Variants in TCF7L2 observed in about 807,000 individuals in gnomAD.
TCF7L2 encodes transcription factor 7 like 2, also known as transcription factor 7-like 2.
TCF7L2 carries 23 observed loss-of-function variants against 77.9 expected under a neutral mutation model. The ratio of observed to expected loss-of-function variants is 0.30; its 90% CI spans 0.21 to 0.42. TCF7L2 has a LOEUF of 0.42. TCF7L2 is among the 10% of genes least tolerant of loss of function. The pLI is 1.00. For missense variants in TCF7L2, 654 were observed against 793.1 expected, an observed-to-expected ratio of 0.82 and a Z score of 2.11; for synonymous variants, 413 against 340.2, an observed-to-expected ratio of 1.21 and a Z score of -2.36.
At position 113,042,679 on chromosome 10, in the gene TCF7L2, G is replaced by A. The variant is rs139128002; in HGVS notation, c.552+2553G>A. ...AAGTAGAGTGGAAGAAAGGCCTTGC[G>A]TTGTTGACCTCTATCCACCTGGTCA... On this transcript the variant is annotated intron_variant, in intron 5 of 13. Coordinates refer to ENST00000627217, the MANE Select transcript of TCF7L2 (RefSeq NM_001146274.2). Among the ~76,000 whole-genome samples, 856 of 152,258 alleles carry A rather than the reference G, an allele frequency of 5.6e-3. 3 individuals carry two copies. The highest frequency in any genetic ancestry group is 0.012 in the South Asian group (59 of 4,822).
At chr10:113,117,428 T>TCTCC (rs2063962851) in intron 5 of TCF7L2, among the ~76,000 whole-genome samples, 1 of 24,806 alleles carries the variant, frequency 4.0e-5, no homozygotes, top group African/African-American at 1.5e-4. Context: ...TCTCTCTCTC[T>TCTCC]CTCTCCCTCT....
chr10:113,121,833 A>G lies in TCF7L2; in HGVS notation c.553-19351A>G, dbSNP rs551541411. ...GTATTTATTAAAATCACAGCCCTTT[A>G]AAACTTCCATTATGTTTTGTCATGG... is the stretch of plus-strand genomic sequence containing the variant. On this transcript the variant is annotated intron_variant, in intron 5 of 13. Transcript: ENST00000627217. 2.0e-5 allele frequency among the ~76,000 whole-genome samples: 3 copies of G among 152,300 alleles called. No individual in the cohort carries two copies. In the Middle Eastern group the frequency reaches 0.01, roughly 518 times the overall value.
At chr10:113,141,436 G>A (rs1370411409) in intron 6 of TCF7L2, 120 bp downstream of exon 6, 2 of 938,850 alleles carry the variant, frequency 2.1e-6, no homozygotes. Flanking sequence ...GAACGGTGGT[G>A]GGGGGGCCCC....
intron 2 of TCF7L2, 46 bp downstream of exon 2, chr10:112,951,319 G>T (rs1485920864): frequency 7.9e-6 from 8 of 1,011,774 alleles, no homozygotes; most frequent in Non-Finnish European, 9.5e-6. Context: ...GCCGCCCCCC[G>T]GGCCGGCCGC....
At chr10:113,046,694 G>A (rs570953576) in intron 5 of TCF7L2, among the ~76,000 whole-genome samples, 3 of 152,212 alleles carry the variant, frequency 2.0e-5, no homozygotes, top group South Asian at 4.1e-4. Context: ...TTTAAAAGTT[G>A]TACCTCTAAA....
At chr10:113,129,755 G>C in intron 5 of TCF7L2, 1 of 1,254,704 alleles carries the variant, frequency 8.0e-7, no homozygotes, top group South Asian at 1.3e-5. Context: ...GGAGGAAAAA[G>C]AAAAGTGAGA....
In TCF7L2 at chr10:113,145,153, A is replaced by G. The variant is rs371822513; in HGVS notation, c.789-858A>G. 6.2e-4 allele frequency among the ~76,000 whole-genome samples: 94 copies of G among 151,214 alleles called. 1 individual carries two copies. Among genetic ancestry groups the G allele is most frequent in the East Asian group, 1.2e-3 (6 of 5,134 alleles). On this transcript the variant is annotated intron_variant, in intron 7 of 13. Coordinates refer to ENST00000627217, the MANE Select transcript of TCF7L2 (RefSeq NM_001146274.2). ...TAATAAAAAACAGATTGCATTATGT[A>G]GTAGCTGTACCAAATACCAACCCTG... is the stretch of plus-strand genomic sequence containing the variant.
intron 4 of TCF7L2, among the ~76,000 whole-genome samples, chr10:112,999,324 T>C (rs1179397203): frequency 6.6e-6 from 1 of 152,234 alleles, no homozygotes; most frequent in Non-Finnish European, 1.5e-5. Context: ...CCCTGATTTG[T>C]GGGAGAGGCA....
rs142258906 is a variant in TCF7L2 at position 112,997,583 on chromosome 10, G to A, written c.450+32959G>A. ...TAAGCTGTAGAGCTGCTGCCTTTTC[G>A]TGAAAGGGTTGACACCAACCTTCTC... is the stretch of plus-strand genomic sequence containing the variant. On this transcript the variant is annotated intron_variant, in intron 4 of 13. Transcript: ENST00000627217. Among the ~76,000 whole-genome samples the A allele has an allele frequency of 8.5e-5, 13 of 152,322 alleles. 1 individual carries two copies. In the East Asian group the frequency reaches 1.7e-3, roughly 20 times the overall value.
chr10:113,119,570 A>G (rs2064418577), intron 5 of TCF7L2, among the ~76,000 whole-genome samples: 1 of 152,188 alleles, frequency 6.6e-6, no homozygotes, highest in African/African-American at 2.4e-5. Context: ...GTCCTTGAAC[A>G]TAACAGAAGG....
At chr10:113,111,854 T>C (rs768615391) in intron 5 of TCF7L2, among the ~76,000 whole-genome samples, 1 of 152,202 alleles carries the variant, frequency 6.6e-6, no homozygotes, top group Non-Finnish European at 1.5e-5. Flanking sequence ...TCAATTCTTC[T>C]AAATCCTCTG....
At chr10:113,075,585 G>T (rs971377171) in intron 5 of TCF7L2, among the ~76,000 whole-genome samples, 5 of 151,930 alleles carry the variant, frequency 3.3e-5, no homozygotes, top group African/African-American at 9.7e-5. Context: ...GGTTTACTAG[G>T]GTATTCTTCA....
intron 6 of TCF7L2, among the ~76,000 whole-genome samples, chr10:113,143,218 C>T (rs576157553): frequency 1.3e-5 from 2 of 152,374 alleles, no homozygotes; most frequent in African/African-American, 4.8e-5. Context: ...GCTCTTAGCC[C>T]CTGCGACGCA....
intron 5 of TCF7L2, among the ~76,000 whole-genome samples, chr10:113,113,275 C>T (rs2063347156): frequency 6.6e-6 from 1 of 152,194 alleles, no homozygotes; most frequent in South Asian, 2.1e-4. Flanking sequence ...AGAGCACAAA[C>T]ACCCGTAAGC....
chr10:113,049,074 C>CTT (rs2053948526), intron 5 of TCF7L2, among the ~76,000 whole-genome samples: 1 of 152,042 alleles, frequency 6.6e-6, no homozygotes, highest in South Asian at 2.1e-4. Context: ...TTGCTATGTC[C>CTT]AGTTTACACA....
At chr10:113,026,339 T>G (rs937843262) in intron 4 of TCF7L2, among the ~76,000 whole-genome samples, 2 of 151,784 alleles carry the variant, frequency 1.3e-5, no homozygotes, top group African/African-American at 4.8e-5. Context: ...TTAAGTATTT[T>G]TAGTAGAGAC....
chr10:112,970,933 GA>G (rs2038104459), intron 4 of TCF7L2, among the ~76,000 whole-genome samples: 1 of 152,222 alleles, frequency 6.6e-6, no homozygotes, highest in African/African-American at 2.4e-5. Flanking sequence ...ACAAAGGAAT[GA>G]AGAATTAGAG....
At chr10:113,134,604 T>C (rs1424809052) in intron 5 of TCF7L2, among the ~76,000 whole-genome samples, 1 of 152,258 alleles carries the variant, frequency 6.6e-6, no homozygotes, top group Non-Finnish European at 1.5e-5. Flanking sequence ...GCCTGTCCTC[T>C]TCCCCAACTT....
intron 4 of TCF7L2, among the ~76,000 whole-genome samples, chr10:113,029,803 A>G (rs1446231868): frequency 1.3e-5 from 2 of 152,122 alleles, no homozygotes; most frequent in African/African-American, 4.8e-5. Flanking sequence ...TGCTGGGATT[A>G]CAGGTGTGAG....
Sources: gnomAD v4.1 joint callset for allele counts (sites outside exome capture counted in the v4.1 genomes callset) on GRCh38, gnomAD v4.1.1 for gene constraint, MANE v1.5 for transcripts, NCBI Gene and HGNC (gene_info 2026-07-23, HGNC 2026-07-21) for gene names.